The following AGMO variants were observed in gnomAD, a reference collection of about 807,000 sequenced individuals.
The protein encoded by AGMO is glyceryl-ether monooxygenase.
AGMO carries 75 observed loss-of-function variants against 60.2 expected under a neutral mutation model. The ratio of observed to expected loss-of-function variants is 1.25; its 90% CI spans 1.03 to 1.51. AGMO has a LOEUF of 1.51. Ranked by LOEUF, AGMO falls within the 40% of genes most tolerant of loss-of-function variation. The pLI, the probability that AGMO is intolerant of heterozygous loss-of-function variation, is 0.00. For missense variants in AGMO, 763 were observed against 525.5 expected, an observed-to-expected ratio of 1.45 and a Z score of -4.42; for synonymous variants, 261 against 177.1, an observed-to-expected ratio of 1.47 and a Z score of -3.76.
At chr7:15,525,910 G>C (rs1268482896) in intron 3 of AGMO, among the ~76,000 whole-genome samples, 1 of 152,188 alleles carries the variant, frequency 6.6e-6, no homozygotes, top group African/African-American at 2.4e-5. Context: ...GGGCACCACT[G>C]CATTCCCCTC....
intron 3 of AGMO, among the ~76,000 whole-genome samples, chr7:15,453,445 G>GT (rs1030138262): frequency 3.0e-4 from 46 of 152,282 alleles, no homozygotes; most frequent in African/African-American, 1.1e-3. Context: ...CAGACACAGT[G>GT]TAACAGAACA....
the AGMO span, among the ~76,000 whole-genome samples, chr7:15,191,395 C>A: frequency 2.6e-5 from 4 of 152,066 alleles, no homozygotes; most frequent in Admixed American, 2.6e-4. Context: ...CATACCAGAA[C>A]GTATCTCTGA....
the AGMO span, among the ~76,000 whole-genome samples, chr7:15,118,843 T>C: frequency 2.7e-5 from 4 of 150,880 alleles, no homozygotes; most frequent in African/African-American, 9.7e-5. Flanking sequence ...ACCCCAGATA[T>C]TTCAGTGTCT....
intron 3 of AGMO, among the ~76,000 whole-genome samples, chr7:15,543,568 T>C (rs754189753): frequency 4.6e-5 from 7 of 152,112 alleles, no homozygotes; most frequent in Admixed American, 4.6e-4. Context: ...CTTACTATAA[T>C]AGAACACATT....
chr7:15,306,541 C>A, intron 12 of AGMO: 1 of 463,286 alleles, frequency 2.2e-6, no homozygotes, highest in African/African-American at 2.1e-5. Flanking sequence ...GCCTGGAGCC[C>A]AATTTCACTT....
intron 12 of AGMO, among the ~76,000 whole-genome samples, chr7:15,275,127 G>A (rs1455688914): frequency 2.0e-5 from 3 of 151,956 alleles, no homozygotes; most frequent in Admixed American, 6.6e-5. Context: ...GTTTCTGGAG[G>A]TGCAAAGTTA....
chr7:15,454,812 G>T (rs918360674), intron 3 of AGMO, among the ~76,000 whole-genome samples: 3 of 151,936 alleles, frequency 2.0e-5, no homozygotes. Context: ...AATACATATT[G>T]CAGTTTTAAA....
At chr7:15,393,501 T>G (rs542991817) in intron 6 of AGMO, among the ~76,000 whole-genome samples, 15 of 152,344 alleles carry the variant, frequency 9.8e-5, no homozygotes, top group Non-Finnish European at 2.1e-4. Context: ...ATTATTTCTA[T>G]TTTTTCTATC....
At chr7:15,329,812 A>C (rs956292969) in intron 12 of AGMO, among the ~76,000 whole-genome samples, 1 of 152,040 alleles carries the variant, frequency 6.6e-6, no homozygotes, top group Non-Finnish European at 1.5e-5. Context: ...TTCAGATGCT[A>C]TTTGCTGAAG....
chr7:15,458,739 G>C (rs1440696260), intron 3 of AGMO, among the ~76,000 whole-genome samples: 1 of 152,052 alleles, frequency 6.6e-6, no homozygotes, highest in Non-Finnish European at 1.5e-5. Flanking sequence ...TTATCTAAGA[G>C]AAAACTGAGC....
intron 3 of AGMO, among the ~76,000 whole-genome samples, chr7:15,526,377 T>C (rs1245742377): frequency 1.3e-5 from 2 of 152,220 alleles, no homozygotes; most frequent in Non-Finnish European, 2.9e-5. Context: ...CTCCAAGTTT[T>C]AGTGAGAGCC....
intron 10 of AGMO, among the ~76,000 whole-genome samples, chr7:15,370,082 T>C (rs1227339460): frequency 6.6e-6 from 1 of 152,128 alleles, no homozygotes; most frequent in African/African-American, 2.4e-5. Flanking sequence ...TAGTCCCCAG[T>C]GTCTATTGTT....
chr7:15,177,219 T>C, the AGMO span, among the ~76,000 whole-genome samples: 4 of 152,084 alleles, frequency 2.6e-5, no homozygotes, highest in Non-Finnish European at 5.9e-5. Flanking sequence ...GTCTTTGCAT[T>C]TGAAACATAC....
At chr7:15,287,040 C>A (rs1356519669) in intron 12 of AGMO, among the ~76,000 whole-genome samples, 1 of 152,006 alleles carries the variant, frequency 6.6e-6, no homozygotes, top group Admixed American at 6.6e-5. Flanking sequence ...CAAAGGCATA[C>A]AGAGTGGTAT....
At chr7:15,459,209 T>C (rs1489788293) in intron 3 of AGMO, among the ~76,000 whole-genome samples, 1 of 152,200 alleles carries the variant, frequency 6.6e-6, no homozygotes, top group Non-Finnish European at 1.5e-5. Context: ...ATTGATTTAG[T>C]TAAGCCAATT....
intron 12 of AGMO, among the ~76,000 whole-genome samples, chr7:15,253,586 T>C (rs1275154434): frequency 3.3e-5 from 5 of 152,156 alleles, no homozygotes; most frequent in African/African-American, 7.2e-5. Context: ...ATAATGATTA[T>C]ACATATTTAG....
intron 12 of AGMO, among the ~76,000 whole-genome samples, chr7:15,272,315 C>G (rs1055304253): frequency 2.5e-4 from 33 of 132,438 alleles, no homozygotes; most frequent in Non-Finnish European, 9.4e-5. Flanking sequence ...GTGTGTGACA[C>G]TCCCCTTCCC....
At chr7:15,405,106 T>A (rs1784652833) in intron 5 of AGMO, among the ~76,000 whole-genome samples, 1 of 151,872 alleles carries the variant, frequency 6.6e-6, no homozygotes, top group African/African-American at 2.4e-5. Context: ...TACTAAAGCA[T>A]ATCCTTTCCC....
chr7:15,210,243 T>A (rs1196495527), intron 12 of AGMO, among the ~76,000 whole-genome samples: 8 of 152,104 alleles, frequency 5.3e-5, no homozygotes, highest in Non-Finnish European at 1.0e-4. Flanking sequence ...CAAAAAGCAA[T>A]CAGATATTGC....
Sources: gnomAD v4.1 joint callset for allele counts (sites outside exome capture counted in the v4.1 genomes callset) on GRCh38, gnomAD v4.1.1 for gene constraint, MANE v1.5 for transcripts, NCBI Gene and HGNC (gene_info 2026-07-23, HGNC 2026-07-21) for gene names.